Variants in AKIRIN1 observed in about 807,000 individuals in gnomAD.
AKIRIN1 encodes the protein akirin 1, also known as akirin-1.
AKIRIN1 carries 4 observed loss-of-function variants against 25.9 expected under a neutral mutation model. The ratio of observed to expected loss-of-function variants is 0.15; its 90% CI spans 0.08 to 0.35. The LOEUF is 0.35. AKIRIN1 is among the 10% of genes least tolerant of loss of function. The pLI is 1.00. For missense variants in AKIRIN1, 243 were observed against 266.1 expected (o/e 0.91, Z 0.61); for synonymous variants, 125 against 105.1 (o/e 1.19, Z -1.16).
chr1:38,992,185 G>A (rs964611066), intron 1 of AKIRIN1, among the ~76,000 whole-genome samples: 6 of 152,102 alleles, frequency 3.9e-5, no homozygotes, highest in African/African-American at 7.2e-5. Context: ...CTATTGCCTC[G>A]TACCATATAT....
rs1241851713 is a variant in AKIRIN1, at chr1:39,001,088, C to G, written c.478C>G (p.Leu160Val). ...DKIREEYEQILNTKLAEQYES... is the reference protein window; with the variant it reads ...DKIREEYEQIVNTKLAEQYES... ...AATTCGGGAGGAGTATGAGCAAATC[C>G]TCAATACCAAACTAGCAGGTAGGCC... Residue 160 changes from leucine (L) to valine (V), a missense_variant, in exon 3 of 5, where the codon CTC becomes GTC. Physicochemically the swap from Leu to Val is conservative, Grantham distance 32. Coordinates refer to ENST00000432648, the MANE Select transcript of AKIRIN1 (RefSeq NM_024595.3). 1 of 1,612,306 alleles carries G rather than the reference C, an allele frequency of 6.2e-7. No homozygotes were observed. Among genetic ancestry groups the G allele is most frequent in the South Asian group, 1.1e-5 (1 of 90,828 alleles).
At chr1:39,003,946 A>C (rs746909223) in intron 4 of AKIRIN1, 99 bp from the exon 5 acceptor site, 336 of 1,026,032 alleles carry the variant, frequency 3.3e-4, no homozygotes, top group Non-Finnish European at 4.9e-4. Context: ...GTCATCGTTC[A>C]TGCTATTTCT....
intron 2 of AKIRIN1, among the ~76,000 whole-genome samples, 193 bp from the exon 3 acceptor site, chr1:39,000,779 C>T (rs1436221994): frequency 2.0e-5 from 3 of 152,036 alleles, no homozygotes; most frequent in Non-Finnish European, 4.4e-5. Flanking sequence ...GCCTCAGCCT[C>T]CCGAGTAGCT....
intron 3 of AKIRIN1, among the ~76,000 whole-genome samples, chr1:39,002,616 G>C (rs1023736813): frequency 6.6e-6 from 1 of 152,114 alleles, no homozygotes; most frequent in Non-Finnish European, 1.5e-5. Flanking sequence ...TGTAGTCCCA[G>C]CTACTCGGGA....
rs115348660 is a variant in AKIRIN1, at chr1:39,002,322, C to T, written c.497-1025C>T. On this transcript the variant is annotated intron_variant, in intron 3 of 4. Coordinates refer to ENST00000432648, the MANE Select transcript of AKIRIN1 (RefSeq NM_024595.3). Reference sequence around the variant, plus strand: ...TTTCCTAGTCTGGTGACCCATACAACGTGGTTCCTCAGAATATTAATAGAT... The same window carrying T: ...TTTCCTAGTCTGGTGACCCATACAATGTGGTTCCTCAGAATATTAATAGAT... 9.0e-4 allele frequency among the ~76,000 whole-genome samples: 137 copies of T among 152,290 alleles called. 1 individual carries two copies. The highest frequency in any genetic ancestry group is 3.2e-3 in the African/African-American group (134 of 41,548).
chr1:39,002,738 A>G (rs1285934832), intron 3 of AKIRIN1, among the ~76,000 whole-genome samples: 2 of 152,072 alleles, frequency 1.3e-5, no homozygotes, highest in Non-Finnish European at 2.9e-5. Context: ...TCAAAAAAAA[A>G]AAGAAGAAGC....
chr1:38,992,142 C>T (rs1424064322), intron 1 of AKIRIN1, among the ~76,000 whole-genome samples: 2 of 152,206 alleles, frequency 1.3e-5, no homozygotes, highest in African/African-American at 4.8e-5. Context: ...CTGATAATTT[C>T]TAAGGGACTG....
At position 39,004,770 on chromosome 1, in the gene AKIRIN1, A is replaced by T. The variant is rs1383043817; in HGVS notation, c.*715A>T. On this transcript the variant is annotated 3_prime_UTR_variant, in exon 5 of 5. Coordinates refer to ENST00000432648, the MANE Select transcript of AKIRIN1 (RefSeq NM_024595.3). The stretch of plus-strand genomic sequence containing the variant: ...CACATGGACTCTGCCTGGGCATGTT[A>T]GGTTAATTCTTTGACTCCAAGCCTT... 6.5e-6 allele frequency: 1 copy of T among 154,590 alleles called. No individual in the cohort carries two copies. The highest frequency in any genetic ancestry group is 1.4e-5 in the Non-Finnish European group (1 of 69,482). The allele number at this position is 154,590 out of a possible 1,614,324, so 9.6% of individuals were successfully genotyped here.
In AKIRIN1 at chr1:39,005,711, G is replaced by A. The variant is rs11547137; in HGVS notation, c.*1656G>A. 2 of 152,160 alleles carry A rather than the reference G, an allele frequency of 1.3e-5. No individual in the cohort carries two copies. The highest frequency in any genetic ancestry group is 3.8e-4 in the East Asian group (2 of 5,202). The allele number at this position is 152,160 out of a possible 1,614,324, so 9.4% of individuals were successfully genotyped here. ...CAAAGTAAGGTAATATTCAGAGACA[G>A]TTGTTGTGATCAGATGGCTTAGAGA... is the stretch of plus-strand genomic sequence containing the variant. On this transcript the variant is annotated 3_prime_UTR_variant, in exon 5 of 5. Transcript: ENST00000432648.
At chr1:38,995,457 T>TC (rs1326779340) in intron 1 of AKIRIN1, among the ~76,000 whole-genome samples, 2 of 152,216 alleles carry the variant, frequency 1.3e-5, no homozygotes, top group Admixed American at 1.3e-4. Flanking sequence ...TTTGAGTTTT[T>TC]CTTTTTAAAA....
Position 38,991,314 on chromosome 1 carries a change from C to T in AKIRIN1, c.-67C>T, listed in dbSNP as rs1424526905. On this transcript the variant is annotated 5_prime_UTR_variant, in exon 1 of 5. Coordinates refer to ENST00000432648, the MANE Select transcript of AKIRIN1 (RefSeq NM_024595.3). ...TTGGAGCCGGCTTGGCTGGCGAGCC[C>T]GGCTGAGGAGCCTCTTGGGCCGCAC... 3.1e-6 allele frequency: 4 copies of T among 1,276,972 alleles called. No homozygotes were observed. Among genetic ancestry groups the T allele is most frequent in the East Asian group, 3.2e-5 (1 of 31,594 alleles). 79.1% of individuals were successfully genotyped at this position (1,276,972 alleles called of 1,614,324 possible). A position where few individuals can be genotyped will look rare whatever the true frequency, so the allele number is the denominator to read the frequency against.
chr1:39,001,179 G>GA, intron 3 of AKIRIN1, 73 bp downstream of exon 3: 3 of 1,499,832 alleles, frequency 2.0e-6, no homozygotes, highest in Non-Finnish European at 2.7e-6. Context: ...AAATAACTTA[G>GA]AAAAAGAGAG....
chr1:38,993,733 A>G (rs1643926179), intron 1 of AKIRIN1, among the ~76,000 whole-genome samples: 1 of 151,652 alleles, frequency 6.6e-6, no homozygotes, highest in Admixed American at 6.6e-5. Flanking sequence ...GAGCCCAGGA[A>G]TTCGAGACAA....
intron 1 of AKIRIN1, among the ~76,000 whole-genome samples, chr1:38,992,743 T>TA: frequency 6.6e-6 from 1 of 152,192 alleles, no homozygotes; most frequent in East Asian, 1.9e-4. Context: ...GTCAGTCTCT[T>TA]ACACATTTTT....
intron 2 of AKIRIN1, among the ~76,000 whole-genome samples, chr1:38,999,985 C>G (rs948063516): frequency 3.9e-5 from 6 of 152,084 alleles, no homozygotes; most frequent in African/African-American, 1.4e-4. Context: ...CAGGTTCAAG[C>G]AATTCTTCTG....
intron 1 of AKIRIN1, among the ~76,000 whole-genome samples, chr1:38,992,264 A>G (rs1246744465): frequency 6.6e-6 from 1 of 152,204 alleles, no homozygotes; most frequent in Non-Finnish European, 1.5e-5. Context: ...CTACAGAACT[A>G]AGAATGTAAC....
intron 2 of AKIRIN1, 126 bp from the exon 3 acceptor site, chr1:39,000,846 G>A (rs921074584): frequency 1.9e-6 from 2 of 1,060,904 alleles, no homozygotes; most frequent in Non-Finnish European, 2.7e-6. Flanking sequence ...AGTAGAGACT[G>A]GGTTTCTCCA....
intron 2 of AKIRIN1, 50 bp downstream of exon 2, chr1:38,998,361 A>T (rs1252454759): frequency 2.0e-6 from 3 of 1,537,142 alleles, no homozygotes; most frequent in Non-Finnish European, 1.8e-6. Flanking sequence ...TGTAAATGGT[A>T]CTTATAATGA....
chr1:39,005,696 T>C lies in AKIRIN1; in HGVS notation c.*1641T>C, dbSNP rs1480475816. On this transcript the variant is annotated 3_prime_UTR_variant, in exon 5 of 5. Transcript: ENST00000432648. Reference sequence around the variant, plus strand: ...TATGCCAATACCTTCCAAAGTAAGGTAATATTCAGAGACAGTTGTTGTGAT... The same window carrying C: ...TATGCCAATACCTTCCAAAGTAAGGCAATATTCAGAGACAGTTGTTGTGAT... 1 of 152,214 alleles carries C rather than the reference T, an allele frequency of 6.6e-6. No individual in the cohort carries two copies. Among genetic ancestry groups the C allele is most frequent in the Non-Finnish European group, 1.5e-5 (1 of 68,040 alleles). 9.4% of individuals were successfully genotyped at this position (152,214 alleles called of 1,614,324 possible). A position where few individuals can be genotyped will look rare whatever the true frequency, so the allele number is the denominator to read the frequency against.
Sources: allele counts gnomAD v4.1 joint callset (sites outside exome capture counted in the v4.1 genomes callset), GRCh38; gene constraint gnomAD v4.1.1; transcripts MANE v1.5; gene names NCBI Gene and HGNC (gene_info 2026-07-23, HGNC 2026-07-21).